The following PXK variants were observed in gnomAD, a reference collection of about 807,000 sequenced individuals.
The protein encoded by PXK is PX domain-containing protein kinase-like protein.
Under a neutral mutation model 84.7 loss-of-function variants are expected in PXK, and 35 were observed. That is an observed-to-expected ratio of 0.41 (90% CI 0.32 to 0.55). PXK has a LOEUF of 0.55. Among genes scored for constraint, PXK ranks in the 20% least tolerant of loss-of-function variants. The pLI is 0.21. For missense variants in PXK, 634 were observed against 699.7 expected (o/e 0.91, Z 1.06); for synonymous variants, 253 against 260.8 (o/e 0.97, Z 0.29).
In PXK at chr3:58,399,380, A is replaced by T; in HGVS notation, c.1181+3A>T. On this transcript the variant is annotated splice_donor_region_variant and intron_variant, in intron 12 of 17. Transcript: ENST00000356151. This position sits in a 1 kb window ranked among gnomAD's most constrained non-coding sequence, Gnocchi z 4.3. ...ATCTCCCGGCTCTTACAGATGCCGT[A>T]AGTCAATCATATGCGTTGGTTGTAA... The T allele has an allele frequency of 6.2e-7, 1 of 1,609,822 alleles. No individual in the cohort carries two copies. The highest frequency in any genetic ancestry group is 1.1e-5 in the South Asian group (1 of 90,964).
At chr3:58,422,808 G>C (rs1365464898) in intron 17 of PXK, 2 of 985,408 alleles carry the variant, frequency 2.0e-6, no homozygotes, top group African/African-American at 3.5e-5. Flanking sequence ...TCAGTCTCTA[G>C]ATGGCCAGTG....
rs746913968 is a variant in PXK, at chr3:58,409,251, C to T, written c.1308+250C>T. 9.9e-5 allele frequency among the ~76,000 whole-genome samples: 15 copies of T among 152,090 alleles called. No individual in the cohort carries two copies. Among genetic ancestry groups the T allele is most frequent in the Non-Finnish European group, 2.2e-4 (15 of 68,010 alleles). On this transcript the variant is annotated intron_variant, in intron 14 of 17. Coordinates refer to ENST00000356151, the MANE Select transcript of PXK (RefSeq NM_017771.5). This position sits in a 1 kb window ranked among gnomAD's most constrained non-coding sequence, Gnocchi z 4.2. ...GGGTTTCTGATCAGAGCATGCCGGC[C>T]GGTGATAGTTGCGGGCATGCATGGT... is the stretch of plus-strand genomic sequence containing the variant.
chr3:58,408,915 TC>T lies in PXK; in HGVS notation c.1231-7del. On this transcript the variant is annotated splice_region_variant and splice_polypyrimidine_tract_variant and intron_variant, in intron 13 of 17. Coordinates refer to ENST00000356151, the MANE Select transcript of PXK (RefSeq NM_017771.5). ...TTTCAATAGATGATGTACTTTTCTC[TC>T]CTTTCAGATCCCTACAAAGTTAAAA... The T allele has an allele frequency of 6.4e-7, 1 of 1,553,590 alleles. No homozygotes were observed. The highest frequency in any genetic ancestry group is 8.9e-7 in the Non-Finnish European group (1 of 1,125,470).
intron 1 of PXK, among the ~76,000 whole-genome samples, chr3:58,346,014 C>G (rs1407936709): frequency 6.6e-6 from 1 of 152,210 alleles, no homozygotes. Context: ...TCAGCAGATA[C>G]TGCTGTGAGT....
intron 9 of PXK, among the ~76,000 whole-genome samples, chr3:58,396,577 A>G (rs2057712791): frequency 6.6e-6 from 1 of 152,196 alleles, no homozygotes; most frequent in Non-Finnish European, 1.5e-5. Context: ...TCCTATTAAT[A>G]AACAGCTAAA....
intron 3 of PXK, among the ~76,000 whole-genome samples, chr3:58,381,338 T>C (rs2098500569): frequency 6.7e-6 from 1 of 148,930 alleles, no homozygotes; most frequent in Non-Finnish European, 1.5e-5. Context: ...GGATACAAAA[T>C]GGGGTTTAGT....
chr3:58,365,823 G>A, intron 1 of PXK, 51 bp from the exon 2 acceptor site: 1 of 1,365,370 alleles, frequency 7.3e-7, no homozygotes, highest in South Asian at 1.5e-5. Flanking sequence ...CCTGCTTTGG[G>A]AATCAAACTC....
In PXK at chr3:58,352,829, G is replaced by A. The variant is rs1049658827; in HGVS notation, c.103-13045G>A. 4.6e-5 allele frequency among the ~76,000 whole-genome samples: 7 copies of A among 152,146 alleles called. No individual in the cohort carries two copies. In the South Asian group the frequency reaches 1.4e-3, roughly 31 times the overall value. ...GGTGTGGAGACCAGCTCTCCTGGTAGGGCAGGAGACCATCCCACAGCGGAG... is the reference window on the plus strand; with the variant it reads ...GGTGTGGAGACCAGCTCTCCTGGTAAGGCAGGAGACCATCCCACAGCGGAG... On this transcript the variant is annotated intron_variant, in intron 1 of 17. Coordinates refer to ENST00000356151, the MANE Select transcript of PXK (RefSeq NM_017771.5).
At chr3:58,386,313 T>TTTTG (rs1476600924) in intron 4 of PXK, among the ~76,000 whole-genome samples, 3 of 137,762 alleles carry the variant, frequency 2.2e-5, no homozygotes, top group Non-Finnish European at 4.6e-5. Flanking sequence ...TTTTTTTTTT[T>TTTTG]GAGACAGAAT....
At chr3:58,418,417 T>C (rs529747085) in intron 17 of PXK, among the ~76,000 whole-genome samples, 1 of 152,304 alleles carries the variant, frequency 6.6e-6, no homozygotes, top group African/African-American at 2.4e-5. Context: ...TGTAACTTGT[T>C]CTGTATTTGT....
intron 1 of PXK, among the ~76,000 whole-genome samples, chr3:58,346,627 T>C (rs2097824825): frequency 6.6e-6 from 1 of 152,198 alleles, no homozygotes; most frequent in Non-Finnish European, 1.5e-5. Flanking sequence ...AGCCAAGTGC[T>C]TTATAGTAAT....
chr3:58,335,484 A>G (rs2097577214), intron 1 of PXK, among the ~76,000 whole-genome samples: 1 of 152,174 alleles, frequency 6.6e-6, no homozygotes, highest in Non-Finnish European at 1.5e-5. Flanking sequence ...AACTGTTGGA[A>G]ATTATTTTGG....
At chr3:58,339,228 G>GT (rs1170206126) in intron 1 of PXK, among the ~76,000 whole-genome samples, 1,176 of 112,338 alleles carry the variant, frequency 0.01, 26 homozygotes, top group African/African-American at 0.043. Flanking sequence ...GTTTTTTTTT[G>GT]TTTTTTTTTG....
At chr3:58,386,187 TAGAA>T (rs1458214172) in intron 4 of PXK, among the ~76,000 whole-genome samples, 3 of 151,922 alleles carry the variant, frequency 2.0e-5, no homozygotes, top group Non-Finnish European at 4.4e-5. Context: ...TCATTTGAAT[TAGAA>T]AGTCTAATTG....
rs1006600672 is a variant in PXK at position 58,414,741 on chromosome 3, C to T, written c.1528+1778C>T. 3.3e-4 allele frequency among the ~76,000 whole-genome samples: 50 copies of T among 152,102 alleles called. No individual in the cohort carries two copies. Among genetic ancestry groups the T allele is most frequent in the African/African-American group, 1.2e-3 (48 of 41,404 alleles). ...AATATTGGCTCCTCCTTTCTTTTAT[C>T]TCCTTAATGTTTTGTTGATGAAATT... On this transcript the variant is annotated intron_variant, in intron 17 of 17. Coordinates refer to ENST00000356151, the MANE Select transcript of PXK (RefSeq NM_017771.5). The surrounding 1 kb of genome is among the most constrained non-coding windows in gnomAD (Gnocchi z 4.5).
Position 58,425,137 on chromosome 3 carries a change from A to C in PXK, c.*177A>C. On this transcript the variant is annotated 3_prime_UTR_variant, in exon 18 of 18. Coordinates refer to ENST00000356151, the MANE Select transcript of PXK (RefSeq NM_017771.5). Reference sequence around the variant, plus strand: ...GAGAAATAATTCTTTAAGCAGAATAAAGTTAGGCTGGCATTGCTCCCTTAA... The same window carrying C: ...GAGAAATAATTCTTTAAGCAGAATACAGTTAGGCTGGCATTGCTCCCTTAA... 9.9e-7 allele frequency: 1 copy of C among 1,006,080 alleles called. No homozygotes were observed. The highest frequency in any genetic ancestry group is 1.4e-6 in the Non-Finnish European group (1 of 701,764). The allele number at this position is 1,006,080 out of a possible 1,614,324, so 62.3% of individuals were successfully genotyped here.
chr3:58,336,069 A>AT (rs1382137800), intron 1 of PXK, among the ~76,000 whole-genome samples: 70 of 56,604 alleles, frequency 1.2e-3, no homozygotes, highest in Non-Finnish European at 1.7e-3. Flanking sequence ...ATATATATAT[A>AT]TATTTTTTTT....
At chr3:58,388,840 A>G (rs1360275880) in intron 4 of PXK, among the ~76,000 whole-genome samples, 2 of 152,150 alleles carry the variant, frequency 1.3e-5, no homozygotes. Flanking sequence ...TGAATTCTAA[A>G]CAAGGTCATT....
chr3:58,391,678 A>T, intron 6 of PXK, 95 bp from the exon 7 acceptor site: 1 of 1,142,356 alleles, frequency 8.8e-7, no homozygotes, highest in Non-Finnish European at 1.3e-6. Flanking sequence ...TTTGGTTTCC[A>T]GTCATATTTT....
Sources: gnomAD v4.1 joint callset for allele counts (sites outside exome capture counted in the v4.1 genomes callset) on GRCh38, gnomAD v4.1.1 for gene constraint, Gnocchi (gnomAD v3.1) non-coding constraint, MANE v1.5 for transcripts, NCBI Gene and HGNC (gene_info 2026-07-23, HGNC 2026-07-21) for gene names.